Variants in GRIA1 observed in about 807,000 individuals in gnomAD.
The protein encoded by GRIA1 is glutamate receptor 1.
A neutral mutation model predicts 99.2 loss-of-function variants in GRIA1; 31 were observed. That is an observed-to-expected ratio of 0.31 (90% confidence interval 0.23 to 0.42). The LOEUF is 0.42. GRIA1 is among the 10% of genes least tolerant of loss of function. The pLI is 1.00. For synonymous variants in GRIA1, 438 were observed against 432.4 expected, an observed-to-expected ratio of 1.01 and a Z score of -0.16; for missense variants, 782 against 1,157.5, an observed-to-expected ratio of 0.68 and a Z score of 4.71.
intron 2 of GRIA1, among the ~76,000 whole-genome samples, chr5:153,561,256 T>C (rs745537109): frequency 1.3e-5 from 2 of 152,178 alleles, no homozygotes; most frequent in Non-Finnish European, 2.9e-5. Flanking sequence ...AGAATTGGAC[T>C]CAGAATCTGA....
chr5:153,732,509 C>T (rs1267073854), intron 11 of GRIA1, among the ~76,000 whole-genome samples: 1 of 152,076 alleles, frequency 6.6e-6, no homozygotes, highest in Non-Finnish European at 1.5e-5. Flanking sequence ...ACACATTGGC[C>T]ACCTTTCTGT....
In GRIA1 at chr5:153,813,112, C is replaced by CT. The variant is rs1267776992; in HGVS notation, c.*1893dup. ...AATCCTTCCAAAATCAAACTCTTCA[C>CT]TTTTTTGACTCAAGTGTTGTTGTTC... On this transcript the variant is annotated 3_prime_UTR_variant, in exon 16 of 16. Transcript: ENST00000285900. 1 of 152,216 alleles carries CT rather than the reference C, an allele frequency of 6.6e-6. No homozygotes were observed. Among genetic ancestry groups the CT allele is most frequent in the Non-Finnish European group, 1.5e-5 (1 of 68,052 alleles). 9.4% of individuals were successfully genotyped at this position (152,216 alleles called of 1,614,324 possible). A position where few individuals can be genotyped will look rare whatever the true frequency, so the allele number is the denominator to read the frequency against.
chr5:153,664,039 G>A (rs1755566670), intron 5 of GRIA1, among the ~76,000 whole-genome samples: 1 of 152,224 alleles, frequency 6.6e-6, no homozygotes, highest in African/African-American at 2.4e-5. Context: ...CAGCCTTCAA[G>A]CAAGAGGGGC....
chr5:153,548,399 C>G (rs1561632027), intron 2 of GRIA1, among the ~76,000 whole-genome samples: 2 of 152,182 alleles, frequency 1.3e-5, no homozygotes, highest in Non-Finnish European at 2.9e-5. Flanking sequence ...CATTTGGGGT[C>G]TGCAAGGCGA....
chr5:153,706,910 C>T (rs181740514), intron 11 of GRIA1, among the ~76,000 whole-genome samples: 163 of 152,224 alleles, frequency 1.1e-3, no homozygotes, highest in South Asian at 3.1e-3. Context: ...GCCTGGCCAA[C>T]ATGGTGAAAC....
At chr5:153,576,211 T>C (rs1360586968) in intron 2 of GRIA1, among the ~76,000 whole-genome samples, 3 of 152,240 alleles carry the variant, frequency 2.0e-5, no homozygotes, top group East Asian at 3.9e-4. Context: ...ACAAAACACA[T>C]AGAATTAAGT....
chr5:153,610,072 A>G (rs1013475949), intron 2 of GRIA1, among the ~76,000 whole-genome samples: 1 of 152,176 alleles, frequency 6.6e-6, no homozygotes, highest in African/African-American at 2.4e-5. Context: ...GAACTCCTCT[A>G]TGAGGACAGA....
rs115048168 is a variant in GRIA1 at position 153,539,314 on chromosome 5, G to A, written c.220+45249G>A. Among the ~76,000 whole-genome samples, 1,479 of 152,278 alleles carry A rather than the reference G, an allele frequency of 9.7e-3. 29 individuals are homozygous for A. Among genetic ancestry groups the A allele is most frequent in the African/African-American group, 0.033 (1,388 of 41,548 alleles). On this transcript the variant is annotated intron_variant, in intron 2 of 15. Transcript: ENST00000285900. ...AGCCATATGCCATTGCATTCATAGCGTTCTGAGCCTGATTCTTGCCTCTTT... is the reference window on the plus strand; with the variant it reads ...AGCCATATGCCATTGCATTCATAGCATTCTGAGCCTGATTCTTGCCTCTTT...
chr5:153,795,717 C>T (rs1765602081), intron 14 of GRIA1: 3 of 578,068 alleles, frequency 5.2e-6, no homozygotes, highest in East Asian at 3.0e-5. Context: ...CCTTGATGTC[C>T]AAGAGTCCAG....
intron 2 of GRIA1, among the ~76,000 whole-genome samples, chr5:153,565,995 G>A (rs933662432): frequency 6.6e-6 from 1 of 152,072 alleles, no homozygotes; most frequent in Non-Finnish European, 1.5e-5. Flanking sequence ...GTACCTAGTG[G>A]TGAAATTGCT....
At chr5:153,700,680 C>T (rs1758451521) in intron 10 of GRIA1, among the ~76,000 whole-genome samples, 1 of 152,280 alleles carries the variant, frequency 6.6e-6, no homozygotes, top group East Asian at 1.9e-4. Context: ...GGGACCACCA[C>T]GGCTTCACTC....
intron 11 of GRIA1, among the ~76,000 whole-genome samples, chr5:153,740,055 C>T (rs1761669609): frequency 6.6e-6 from 1 of 152,154 alleles, no homozygotes; most frequent in Non-Finnish European, 1.5e-5. Context: ...CATGCAAATC[C>T]CTATTGATAC....
chr5:153,689,205 G>T (rs766372161), intron 8 of GRIA1, among the ~76,000 whole-genome samples: 2 of 151,912 alleles, frequency 1.3e-5, no homozygotes, highest in African/African-American at 4.8e-5. Context: ...CTTTCTTTCA[G>T]ATTCTGAGAA....
At chr5:153,707,450 GA>G (rs1758983937) in intron 11 of GRIA1, among the ~76,000 whole-genome samples, 1 of 152,168 alleles carries the variant, frequency 6.6e-6, no homozygotes, top group African/African-American at 2.4e-5. Flanking sequence ...CAATTTGCCT[GA>G]TAAATAAGCA....
chr5:153,665,849 C>T (rs2149476188), intron 5 of GRIA1, among the ~76,000 whole-genome samples: 1 of 152,274 alleles, frequency 6.6e-6, no homozygotes, highest in Admixed American at 6.5e-5. Context: ...ATCTTTCTGC[C>T]TTTTCCCTAA....
chr5:153,648,372 C>A (rs894985752), intron 3 of GRIA1, among the ~76,000 whole-genome samples: 2 of 152,064 alleles, frequency 1.3e-5, no homozygotes, highest in East Asian at 1.9e-4. Context: ...GAAAAATGTA[C>A]CTTTGCTTGT....
chr5:153,515,921 A>G (rs1202979458), intron 2 of GRIA1, among the ~76,000 whole-genome samples: 2 of 152,182 alleles, frequency 1.3e-5, no homozygotes, highest in Non-Finnish European at 2.9e-5. Context: ...ATAGATGAAT[A>G]GAAGTCTACC....
chr5:153,517,827 G>C (rs1756769221), intron 2 of GRIA1, among the ~76,000 whole-genome samples: 2 of 152,164 alleles, frequency 1.3e-5, no homozygotes, highest in African/African-American at 4.8e-5. Flanking sequence ...CCACCTGGAG[G>C]CTAAAGTGAC....
chr5:153,732,051 T>A (rs1203501618), intron 11 of GRIA1, among the ~76,000 whole-genome samples: 1 of 152,120 alleles, frequency 6.6e-6, no homozygotes, highest in African/African-American at 2.4e-5. Context: ...GTTCAACCAT[T>A]CTGTCACAAA....
Sources: gnomAD v4.1 joint callset for allele counts (sites outside exome capture counted in the v4.1 genomes callset) on GRCh38, gnomAD v4.1.1 for gene constraint, MANE v1.5 for transcripts, NCBI Gene and HGNC (gene_info 2026-07-23, HGNC 2026-07-21) for gene names.